Variants in MBD5 observed in about 807,000 individuals in gnomAD.
The protein encoded by MBD5 is methyl-CpG-binding domain protein 5.
A neutral mutation model predicts 117.3 loss-of-function variants in MBD5; 13 were observed. The ratio of observed to expected loss-of-function variants is 0.11; its 90% CI spans 0.07 to 0.18. The LOEUF (loss-of-function observed/expected upper bound fraction) is 0.18, where lower values mean the gene tolerates loss of function less well. Among genes scored for constraint, MBD5 ranks in the 10% least tolerant of loss-of-function variants. The probability of loss-of-function intolerance (pLI) is 1.00; values close to 1 mark genes in which losing one functional copy is unlikely to be tolerated. For synonymous variants in MBD5, 727 were observed against 766.4 expected (o/e 0.95, Z 0.85); for missense variants, 1,879 against 2,093.8 (o/e 0.90, Z 2.00).
At chr2:148,098,919 G>T (rs1314890938) in intron 1 of MBD5, among the ~76,000 whole-genome samples, 5 of 152,080 alleles carry the variant, frequency 3.3e-5, no homozygotes, top group African/African-American at 1.2e-4. Flanking sequence ...GCCAGGCGTG[G>T]TGGGACACAC....
rs550347384 is a variant in MBD5 at position 148,154,429 on chromosome 2, G to T, written c.-924-24271G>T. Among the ~76,000 whole-genome samples the T allele has an allele frequency of 6.6e-5, 10 of 152,120 alleles. No individual in the cohort carries two copies. The East Asian group carries it at 2.0e-3, about 30-fold the overall frequency. On this transcript the variant is annotated intron_variant, in intron 1 of 13. Coordinates refer to ENST00000642680, the MANE Select transcript of MBD5 (RefSeq NM_001378120.1). ...CCAGAGGTGGAGCCTACAGAGGCAGGCAGGCCTCCTTGAGCTGTGGTGGGC... is the reference window on the plus strand; with the variant it reads ...CCAGAGGTGGAGCCTACAGAGGCAGTCAGGCCTCCTTGAGCTGTGGTGGGC...
chr2:148,447,980 G>T (rs1401694111), intron 4 of MBD5, among the ~76,000 whole-genome samples: 1 of 151,916 alleles, frequency 6.6e-6, no homozygotes, highest in Admixed American at 6.6e-5. Context: ...TGCCTCATTT[G>T]GTTATACTGA....
At chr2:148,048,235 A>G (rs919424325) in intron 1 of MBD5, among the ~76,000 whole-genome samples, 2 of 152,190 alleles carry the variant, frequency 1.3e-5, no homozygotes, top group African/African-American at 4.8e-5. Context: ...TGTTGACACA[A>G]TGCCTGGTCC....
At chr2:148,274,720 T>G (rs1050588191) in intron 3 of MBD5, among the ~76,000 whole-genome samples, 1 of 110,226 alleles carries the variant, frequency 9.1e-6, no homozygotes, top group Non-Finnish European at 2.0e-5. Context: ...TAATTGAGTT[T>G]TTTTGTTTTT....
In MBD5 at chr2:148,483,652, A is replaced by G. The variant is rs1486095300; in HGVS notation, c.3061A>G (p.Thr1021Ala). Residue 1021 changes from threonine (T) to alanine (A), a missense_variant, in exon 9 of 14, where the codon ACC (threonine) becomes GCC (alanine). Transcript: ENST00000642680. ...CTCAGATCTTTTGCAACAGCAAAAT[A>G]CCCCTTTACCCTCATTAACACAGAT... is the stretch of plus-strand genomic sequence containing the variant. Reference protein sequence around the residue: ...TISDLLQQQNTPLPSLTQMTA... With the variant: ...TISDLLQQQNAPLPSLTQMTA... 1.3e-6 allele frequency: 2 copies of G among 1,550,618 alleles called. No individual in the cohort carries two copies. The highest frequency in any genetic ancestry group is 1.7e-6 in the Non-Finnish European group (2 of 1,147,022).
chr2:148,350,280 G>T (rs1703219479), intron 4 of MBD5, among the ~76,000 whole-genome samples: 1 of 151,974 alleles, frequency 6.6e-6, no homozygotes, highest in African/African-American at 2.4e-5. Flanking sequence ...CTGCCCTCAT[G>T]ACTTCATTTT....
chr2:148,150,158 T>G (rs1697607780), intron 1 of MBD5, among the ~76,000 whole-genome samples: 1 of 139,234 alleles, frequency 7.2e-6, no homozygotes, highest in African/African-American at 2.7e-5. Flanking sequence ...TTTCTACATA[T>G]GGCTAGCCAG....
At chr2:148,046,144 C>T (rs889453125) in intron 1 of MBD5, among the ~76,000 whole-genome samples, 1 of 151,782 alleles carries the variant, frequency 6.6e-6, no homozygotes, top group African/African-American at 2.4e-5. Context: ...CCATCACACC[C>T]AGCTAATTTT....
chr2:148,361,266 CTT>C (rs577304745), intron 4 of MBD5, among the ~76,000 whole-genome samples: 1 of 152,134 alleles, frequency 6.6e-6, no homozygotes, highest in South Asian at 2.1e-4. Context: ...AGGAGAATCT[CTT>C]GAACCCAGGA....
chr2:148,271,589 T>C (rs908907020), intron 3 of MBD5, among the ~76,000 whole-genome samples: 1 of 152,174 alleles, frequency 6.6e-6, no homozygotes, highest in Non-Finnish European at 1.5e-5. Flanking sequence ...TAAAATAATT[T>C]GTTTTGCCTA....
chr2:148,204,171 A>G (rs1019709804), intron 2 of MBD5, among the ~76,000 whole-genome samples: 4 of 152,224 alleles, frequency 2.6e-5, no homozygotes, highest in Non-Finnish European at 4.4e-5. Context: ...TCATGAAACA[A>G]TAGTAGAAGA....
chr2:148,503,580 A>G (rs772671507), intron 12 of MBD5, among the ~76,000 whole-genome samples: 77 of 152,344 alleles, frequency 5.1e-4, no homozygotes, highest in Admixed American at 1.2e-3. Context: ...CTTCACCTCA[A>G]TAAAAGGTAT....
At chr2:148,497,398 G>A (rs1323598438) in intron 11 of MBD5, among the ~76,000 whole-genome samples, 2 of 152,004 alleles carry the variant, frequency 1.3e-5, no homozygotes, top group Non-Finnish European at 2.9e-5. Flanking sequence ...TTAAAAATAT[G>A]CAAAGGAGGC....
At chr2:148,352,705 G>C (rs900550126) in intron 4 of MBD5, among the ~76,000 whole-genome samples, 1 of 152,048 alleles carries the variant, frequency 6.6e-6, no homozygotes, top group African/African-American at 2.4e-5. Flanking sequence ...TCAGTAGTTT[G>C]TTCCTTTTTA....
At chr2:148,122,090 T>G (rs1696782587) in intron 1 of MBD5, among the ~76,000 whole-genome samples, 1 of 152,152 alleles carries the variant, frequency 6.6e-6, no homozygotes, top group Non-Finnish European at 1.5e-5. Flanking sequence ...CTTTTAAAAC[T>G]CTAGATTTAA....
In MBD5 at chr2:148,450,106, T is replaced by C. The variant is rs551581749; in HGVS notation, c.-556-8097T>C. Among the ~76,000 whole-genome samples the C allele has an allele frequency of 2.0e-5, 3 of 152,262 alleles. No individual in the cohort carries two copies. In the South Asian group the frequency reaches 6.2e-4, roughly 32 times the overall value. On this transcript the variant is annotated intron_variant, in intron 4 of 13. Transcript: ENST00000642680. ...TCCTTTCCCTAGTGCTATTAAAATT[T>C]CTGTAATATGACTTTAATAGCTATA...
intron 1 of MBD5, among the ~76,000 whole-genome samples, chr2:148,173,169 C>T (rs1237164660): frequency 6.6e-6 from 1 of 152,244 alleles, no homozygotes; most frequent in Non-Finnish European, 1.5e-5. Context: ...GAAAGACGAG[C>T]TGTAACCCTT....
intron 9 of MBD5, chr2:148,485,428 T>A: frequency 3.4e-6 from 1 of 291,572 alleles, no homozygotes; most frequent in Non-Finnish European, 6.5e-6. Context: ...CTAAAATAGA[T>A]CTAAAATCTA....
At chr2:148,227,300 A>T (rs1327042163) in intron 2 of MBD5, among the ~76,000 whole-genome samples, 1 of 152,160 alleles carries the variant, frequency 6.6e-6, no homozygotes, top group Non-Finnish European at 1.5e-5. Flanking sequence ...ATAAGGTGTA[A>T]GGAAGGGATC....
Sources: gnomAD v4.1 joint callset for allele counts (sites outside exome capture counted in the v4.1 genomes callset) on GRCh38, gnomAD v4.1.1 for gene constraint, MANE v1.5 for transcripts, NCBI Gene and HGNC (gene_info 2026-07-23, HGNC 2026-07-21) for gene names.